GRIK2: variants seen among roughly 807,000 people sequenced by gnomAD.
GRIK2 encodes the protein glutamate receptor ionotropic, kainate 2.
A neutral mutation model predicts 100.3 loss-of-function variants in GRIK2; 32 were observed. The ratio of observed to expected loss-of-function variants is 0.32; its 90% CI spans 0.24 to 0.43. The LOEUF (loss-of-function observed/expected upper bound fraction) is 0.43, where lower values mean the gene tolerates loss of function less well. GRIK2 is among the 20% of genes least tolerant of loss of function. GRIK2 has a pLI of 1.00. For synonymous variants in GRIK2, 417 were observed against 389.4 expected, an observed-to-expected ratio of 1.07 and a Z score of -0.83; for missense variants, 843 against 1,114.9, an observed-to-expected ratio of 0.76 and a Z score of 3.47.
At chr6:101,960,048 G>GTTTTTTTTTTTTTTT (rs3029100) in intron 14 of GRIK2, among the ~76,000 whole-genome samples, 8 of 118,262 alleles carry the variant, frequency 6.8e-5, no homozygotes, top group Non-Finnish European at 1.3e-4. Flanking sequence ...TTTTTTTAGT[G>GTTTTTTTTTTTTTTT]TTTTGTTTTT....
intron 2 of GRIK2, among the ~76,000 whole-genome samples, chr6:101,439,060 G>A (rs1219393393): frequency 1.3e-5 from 2 of 152,126 alleles, no homozygotes; most frequent in Non-Finnish European, 2.9e-5. Context: ...AGGCTACATA[G>A]ATATCTTAAA....
At chr6:101,429,494 T>C (rs1303378878) in intron 2 of GRIK2, among the ~76,000 whole-genome samples, 4 of 152,128 alleles carry the variant, frequency 2.6e-5, no homozygotes. Context: ...AAGAATTATC[T>C]TGGCAGAGAA....
chr6:101,773,995 T>G (rs940252946), intron 7 of GRIK2, among the ~76,000 whole-genome samples: 2 of 152,202 alleles, frequency 1.3e-5, no homozygotes, highest in Non-Finnish European at 2.9e-5. Flanking sequence ...TGATATGTTT[T>G]GTTTGCATAT....
At chr6:101,892,036 G>A (rs1274961770) in intron 12 of GRIK2, among the ~76,000 whole-genome samples, 1 of 152,010 alleles carries the variant, frequency 6.6e-6, no homozygotes, top group Non-Finnish European at 1.5e-5. Flanking sequence ...TATACAAAAA[G>A]TCTTCCTTAA....
At chr6:101,893,955 C>T (rs564437787) in intron 12 of GRIK2, among the ~76,000 whole-genome samples, 14 of 151,292 alleles carry the variant, frequency 9.3e-5, no homozygotes, top group Admixed American at 3.3e-4. Flanking sequence ...ATTTTAAATA[C>T]GCTTTTCTGA....
intron 7 of GRIK2, among the ~76,000 whole-genome samples, chr6:101,735,897 G>C (rs566250558): frequency 3.9e-5 from 6 of 152,296 alleles, no homozygotes; most frequent in African/African-American, 1.2e-4. Flanking sequence ...AAGTTCTTTA[G>C]GCCTATGAGC....
chr6:101,626,967 T>TAC (rs1053128345), intron 4 of GRIK2, among the ~76,000 whole-genome samples: 3 of 151,404 alleles, frequency 2.0e-5, no homozygotes, highest in Non-Finnish European at 2.9e-5. Context: ...CACATACACA[T>TAC]ACACACACAC....
At chr6:101,763,757 G>A (rs567349983) in intron 7 of GRIK2, among the ~76,000 whole-genome samples, 4 of 152,196 alleles carry the variant, frequency 2.6e-5, no homozygotes, top group South Asian at 4.1e-4. Flanking sequence ...AGTTTCATAG[G>A]TGTGTGATCT....
intron 14 of GRIK2, among the ~76,000 whole-genome samples, chr6:101,963,509 C>CTTT (rs770178884): frequency 0.29 from 30,925 of 105,292 alleles, 4,585 homozygotes; most frequent in South Asian, 0.38. Flanking sequence ...TTCTTTCTTT[C>CTTT]TTTTTTTTTT....
At chr6:101,737,471 A>G in intron 7 of GRIK2, among the ~76,000 whole-genome samples, 1 of 152,184 alleles carries the variant, frequency 6.6e-6, no homozygotes, top group East Asian at 1.9e-4. Context: ...GCAGGCAAAA[A>G]GAGAGAGCTT....
intron 7 of GRIK2, among the ~76,000 whole-genome samples, chr6:101,708,290 T>A (rs1773474329): frequency 6.6e-6 from 1 of 151,776 alleles, no homozygotes; most frequent in Non-Finnish European, 1.5e-5. Context: ...AAGAATTCCA[T>A]TGTTTAAAGA....
intron 2 of GRIK2, among the ~76,000 whole-genome samples, chr6:101,548,495 G>T (rs545188828): frequency 6.6e-6 from 1 of 152,102 alleles, no homozygotes. Flanking sequence ...ATTAATTTTT[G>T]TATAAGGTGT....
rs369191579 is a variant in GRIK2, at chr6:101,617,422, G to A, written c.116-4527G>A. On this transcript the variant is annotated intron_variant, in intron 2 of 16. Coordinates refer to ENST00000369134, the MANE Select transcript of GRIK2 (RefSeq NM_021956.5). The stretch of plus-strand genomic sequence containing the variant: ...TGAGATTCATCTCATGTTATTGCAT[G>A]TAGTTCTTTATTGATGCAGGTCTTC... Among the ~76,000 whole-genome samples, 20 of 151,906 alleles carry A rather than the reference G, an allele frequency of 1.3e-4. No individual in the cohort carries two copies. In the South Asian group the frequency reaches 3.9e-3, roughly 30 times the overall value.
intron 14 of GRIK2, among the ~76,000 whole-genome samples, chr6:101,964,127 A>G (rs1276061898): frequency 5.4e-5 from 8 of 149,050 alleles, no homozygotes; most frequent in Non-Finnish European, 8.9e-5. Context: ...AAATGTAGAT[A>G]TATAATATAT....
chr6:101,763,464 C>A (rs1291876481), intron 7 of GRIK2, among the ~76,000 whole-genome samples: 1 of 152,200 alleles, frequency 6.6e-6, no homozygotes, highest in Non-Finnish European at 1.5e-5. Context: ...CCAGAAGACA[C>A]ACATTTCTTG....
chr6:102,054,440 C>A (rs950085177), intron 15 of GRIK2, among the ~76,000 whole-genome samples: 1 of 151,954 alleles, frequency 6.6e-6, no homozygotes, highest in Non-Finnish European at 1.5e-5. Context: ...ACTTTAGAAG[C>A]AGGCTATTTC....
At chr6:101,704,390 T>A (rs2128354560) in intron 7 of GRIK2, among the ~76,000 whole-genome samples, 1 of 151,752 alleles carries the variant, frequency 6.6e-6, no homozygotes. Context: ...TTTGAGTCAC[T>A]GGGCTGGGAG....
intron 4 of GRIK2, among the ~76,000 whole-genome samples, chr6:101,649,746 G>A (rs1781701527): frequency 6.6e-6 from 1 of 152,160 alleles, no homozygotes; most frequent in East Asian, 1.9e-4. Context: ...TGTGCTTCAG[G>A]GTAGAGTCAG....
intron 10 of GRIK2, among the ~76,000 whole-genome samples, chr6:101,837,225 A>G (rs550042680): frequency 9.1e-4 from 138 of 152,278 alleles, no homozygotes; most frequent in South Asian, 1.5e-3. Context: ...ATTCAGGTTG[A>G]TGAAACCCAG....
Sources: allele counts gnomAD v4.1 joint callset (sites outside exome capture counted in the v4.1 genomes callset), GRCh38; gene constraint gnomAD v4.1.1; transcripts MANE v1.5; gene names NCBI Gene and HGNC (gene_info 2026-07-23, HGNC 2026-07-21).